CALN1: variants seen among roughly 807,000 people sequenced by gnomAD.
CALN1 encodes the protein calneuron 1.
Under a neutral mutation model 30.6 loss-of-function variants are expected in CALN1, and 17 were observed. That is an observed-to-expected ratio of 0.56 (90% CI 0.38 to 0.83). The LOEUF (loss-of-function observed/expected upper bound fraction) is 0.83, where lower values mean the gene tolerates loss of function less well. CALN1 is among the 40% of genes least tolerant of loss of function. The pLI is 0.00. For synonymous variants in CALN1, 156 were observed against 131.4 expected, an observed-to-expected ratio of 1.19 and a Z score of -1.28; for missense variants, 291 against 354.9, an observed-to-expected ratio of 0.82 and a Z score of 1.45.
At position 72,182,087 on chromosome 7, in the gene CALN1, T is replaced by C. The variant is rs541377273; in HGVS notation, c.245-75793A>G. On this transcript the variant is annotated intron_variant, in intron 3 of 6. Transcript: ENST00000395275. The stretch of plus-strand genomic sequence containing the variant: ...TTGCCTTAGAGAAGACTAGGGATAA[T>C]TGCAAATGACAGGCTTCTTAAAGAA... Among the ~76,000 whole-genome samples the C allele has an allele frequency of 3.9e-5, 6 of 152,294 alleles. No individual in the cohort carries two copies. In the East Asian group the frequency reaches 7.7e-4, roughly 20 times the overall value.
At chr7:71,841,312 T>A (rs891321238) in intron 5 of CALN1, among the ~76,000 whole-genome samples, 3 of 152,178 alleles carry the variant, frequency 2.0e-5, no homozygotes, top group African/African-American at 7.2e-5. Context: ...CTCAGCTCTT[T>A]CTTCTTCTCT....
chr7:71,971,953 A>AAGAAAGAAAAGAAAGAAAG (rs1797838362), intron 5 of CALN1, among the ~76,000 whole-genome samples: 3 of 72,822 alleles, frequency 4.1e-5, no homozygotes, highest in African/African-American at 2.1e-4. Flanking sequence ...AAAAAAAAAA[A>AAGAAAGAAAAGAAAGAAAG]AAAGAAAGAA....
At chr7:72,339,969 C>A (rs1270625800) in intron 2 of CALN1, among the ~76,000 whole-genome samples, 1 of 152,034 alleles carries the variant, frequency 6.6e-6, no homozygotes, top group Non-Finnish European at 1.5e-5. Flanking sequence ...TCTATCATTC[C>A]CTATAGAATC....
intron 5 of CALN1, among the ~76,000 whole-genome samples, chr7:72,014,690 C>G (rs1318540064): frequency 6.6e-6 from 1 of 152,074 alleles, no homozygotes; most frequent in Non-Finnish European, 1.5e-5. Flanking sequence ...GAGACAGGGT[C>G]TCGCTCTGTT....
chr7:71,925,936 C>T (rs575266541), intron 5 of CALN1, among the ~76,000 whole-genome samples: 1 of 152,226 alleles, frequency 6.6e-6, no homozygotes, highest in East Asian at 1.9e-4. Context: ...TAACTGCAAC[C>T]TCTGCCTCCT....
intron 3 of CALN1, among the ~76,000 whole-genome samples, chr7:72,158,550 G>T (rs1787883998): frequency 6.6e-6 from 1 of 152,212 alleles, no homozygotes; most frequent in Admixed American, 6.5e-5. Flanking sequence ...GTGTGGAGAA[G>T]TGACCCAATC....
chr7:72,196,352 C>G (rs1791000593), intron 3 of CALN1, among the ~76,000 whole-genome samples: 1 of 152,172 alleles, frequency 6.6e-6, no homozygotes, highest in Non-Finnish European at 1.5e-5. Flanking sequence ...CTCCTGAGCT[C>G]AAGCAACCCA....
At chr7:72,421,010 T>C (rs1234529279) in intron 1 of CALN1, among the ~76,000 whole-genome samples, 2 of 152,200 alleles carry the variant, frequency 1.3e-5, no homozygotes, top group Non-Finnish European at 2.9e-5. Flanking sequence ...TCCAGGGAGT[T>C]CTGGGTCTAG....
chr7:72,469,920 T>C, the CALN1 span, among the ~76,000 whole-genome samples: 1 of 152,190 alleles, frequency 6.6e-6, no homozygotes, highest in Non-Finnish European at 1.5e-5. Context: ...CTTGAAATTG[T>C]GGCTTCACGT....
chr7:72,233,343 T>G (rs1794247390), intron 3 of CALN1, among the ~76,000 whole-genome samples: 1 of 151,962 alleles, frequency 6.6e-6, no homozygotes. Flanking sequence ...GAGTTGCCTG[T>G]GACCCTCAGT....
At chr7:72,063,588 A>G (rs1803812748) in intron 4 of CALN1, among the ~76,000 whole-genome samples, 1 of 152,236 alleles carries the variant, frequency 6.6e-6, no homozygotes, top group Non-Finnish European at 1.5e-5. Context: ...ATGAGAGCCA[A>G]CAAAACCAAA....
chr7:72,411,868 A>G (rs895800078), intron 1 of CALN1, among the ~76,000 whole-genome samples, 190 bp downstream of exon 1: 1 of 152,226 alleles, frequency 6.6e-6, no homozygotes, highest in Non-Finnish European at 1.5e-5. Flanking sequence ...AGGATAACCA[A>G]ATAGTTGATG....
At chr7:72,430,964 ATTTTT>A (rs781481392) in intron 1 of CALN1, among the ~76,000 whole-genome samples, 2 of 118,982 alleles carry the variant, frequency 1.7e-5, no homozygotes, top group East Asian at 2.5e-4. Context: ...AAGCCAAGCT[ATTTTT>A]TTTTTTTTTT....
chr7:72,369,966 T>G lies in CALN1; in HGVS notation c.119+33285A>C, dbSNP rs533568867. On this transcript the variant is annotated intron_variant, in intron 2 of 6. Transcript: ENST00000395275. Reference sequence around the variant, plus strand: ...TCTTTCTATGAATATATGCTTTTATTTATTTTGGTTAAATACCTAGAAATG... The same window carrying G: ...TCTTTCTATGAATATATGCTTTTATGTATTTTGGTTAAATACCTAGAAATG... Among the ~76,000 whole-genome samples, 5 of 152,362 alleles carry G rather than the reference T, an allele frequency of 3.3e-5. No individual in the cohort carries two copies. In the South Asian group the frequency reaches 1.0e-3, roughly 32 times the overall value.
intron 1 of CALN1, among the ~76,000 whole-genome samples, chr7:72,419,009 C>CT (rs1807519863): frequency 6.6e-6 from 1 of 151,980 alleles, no homozygotes; most frequent in Admixed American, 6.6e-5. Context: ...AAGCAAGACT[C>CT]CAAGTAATCC....
rs113129042 is a variant in CALN1, at chr7:71,959,643, G to A, written c.501+64014C>T. On this transcript the variant is annotated intron_variant, in intron 5 of 6. Transcript: ENST00000395275. The stretch of plus-strand genomic sequence containing the variant: ...CCAGCTTTTTTTTTTTTTTAAGTGG[G>A]GGAAGGGTATGTGTGGTGGATACTT... Among the ~76,000 whole-genome samples, 355 of 151,492 alleles carry A rather than the reference G, an allele frequency of 2.3e-3. 1 individual carries two copies. Among genetic ancestry groups the A allele is most frequent in the African/African-American group, 8.5e-3 (350 of 41,316 alleles).
upstream of CALN1, among the ~76,000 whole-genome samples, chr7:72,414,710 C>T (rs545083951): frequency 4.0e-4 from 61 of 152,326 alleles, no homozygotes; most frequent in Non-Finnish European, 7.9e-4. Flanking sequence ...CTCTGTACCC[C>T]TCTCTGTTGC....
chr7:72,126,756 G>C (rs1292566039), intron 3 of CALN1, among the ~76,000 whole-genome samples: 1 of 140,484 alleles, frequency 7.1e-6, no homozygotes, highest in Non-Finnish European at 1.5e-5. Flanking sequence ...ATGGTCTCCA[G>C]CTCCATCCAA....
At chr7:71,988,938 C>T (rs1253640824) in intron 5 of CALN1, among the ~76,000 whole-genome samples, 1 of 152,164 alleles carries the variant, frequency 6.6e-6, no homozygotes, top group East Asian at 1.9e-4. Context: ...ATAACAGGCT[C>T]ACAGTCCCAC....
Sources: gnomAD v4.1 joint callset for allele counts (sites outside exome capture counted in the v4.1 genomes callset) on GRCh38, gnomAD v4.1.1 for gene constraint, MANE v1.5 for transcripts, NCBI Gene and HGNC (gene_info 2026-07-23, HGNC 2026-07-21) for gene names.